The following VIPR1 variants were observed in gnomAD, a reference collection of about 807,000 sequenced individuals.
VIPR1 encodes vasoactive intestinal polypeptide receptor 1.
VIPR1 carries 59 observed loss-of-function variants against 58.8 expected under a neutral mutation model. The observed-to-expected ratio is 1.00, with a 90% CI of 0.81 to 1.25. VIPR1 has a LOEUF of 1.25. Among genes scored for constraint, VIPR1 ranks in the 50% most tolerant of loss-of-function variants. VIPR1 has a pLI of 0.00. For synonymous variants in VIPR1, 251 were observed against 242.1 expected (o/e 1.04, Z -0.34); for missense variants, 626 against 602.7 (o/e 1.04, Z -0.40).
intron 1 of VIPR1, among the ~76,000 whole-genome samples, chr3:42,493,014 G>A (rs1180222412): frequency 2.0e-5 from 3 of 152,242 alleles, no homozygotes; most frequent in Non-Finnish European, 4.4e-5. Flanking sequence ...AACCACGCAG[G>A]AACCCAAGAA....
At chr3:42,527,037 G>T (rs974761257) in intron 4 of VIPR1, among the ~76,000 whole-genome samples, 1 of 152,048 alleles carries the variant, frequency 6.6e-6, no homozygotes, top group African/African-American at 2.4e-5. Flanking sequence ...AGGGTGCCCA[G>T]CTCAGAGCTG....
At position 42,504,344 on chromosome 3, in the gene VIPR1, G is replaced by A. The variant is rs907333856; in HGVS notation, c.78+1531G>A. 6.6e-5 allele frequency among the ~76,000 whole-genome samples: 10 copies of A among 152,164 alleles called. 1 individual carries two copies. The highest frequency in any genetic ancestry group is 1.9e-4 in the East Asian group (1 of 5,174). Reference sequence around the variant, plus strand: ...CTTCTACTTCACACTTCCTGAGACAGCCCAAATCTGTCTCCTCCCTCCAAT... The same window carrying A: ...CTTCTACTTCACACTTCCTGAGACAACCCAAATCTGTCTCCTCCCTCCAAT... On this transcript the variant is annotated intron_variant, in intron 1 of 12. Coordinates refer to ENST00000325123, the MANE Select transcript of VIPR1 (RefSeq NM_004624.4).
At chr3:42,490,173 C>G (rs1053045201) in intron 1 of VIPR1, among the ~76,000 whole-genome samples, 19 of 152,258 alleles carry the variant, frequency 1.2e-4, no homozygotes, top group African/African-American at 4.3e-4. Flanking sequence ...CCATGCAAGA[C>G]AGAGGACAGA....
chr3:42,513,648 G>A (rs1700471849), intron 1 of VIPR1, 101 bp from the exon 2 acceptor site: 2 of 1,236,016 alleles, frequency 1.6e-6, no homozygotes, highest in Middle Eastern at 2.7e-4. Flanking sequence ...TCTGGAACTT[G>A]GATCTCTTCC....
At position 42,517,962 on chromosome 3, in the gene VIPR1, C is replaced by A. The variant is rs866383762; in HGVS notation, c.185-1261C>A. Among the ~76,000 whole-genome samples, 49 of 151,970 alleles carry A rather than the reference C, an allele frequency of 3.2e-4. 3 individuals are homozygous for A. The highest frequency in any genetic ancestry group is 6.8e-3 in the Middle Eastern group (2 of 294). ...TTGTACTCCAGCCTGGGCGACAGAG[C>A]AAGACTATGATGGGGTGATGAGTAT... On this transcript the variant is annotated intron_variant, in intron 2 of 12. Transcript: ENST00000325123.
chr3:42,512,678 A>T, intron 1 of VIPR1: 5 of 941,648 alleles, frequency 5.3e-6, no homozygotes, highest in Non-Finnish European at 6.3e-6. Flanking sequence ...AGACACTGAG[A>T]ATGTCTGATT....
At chr3:42,529,687 G>T (rs1202674378) in intron 6 of VIPR1, 1 of 152,164 alleles carries the variant, frequency 6.6e-6, no homozygotes, top group Non-Finnish European at 1.5e-5. Context: ...GGGGGAAGTG[G>T]AAGCCAGACA....
intron 2 of VIPR1, among the ~76,000 whole-genome samples, chr3:42,514,079 G>A (rs1050761642): frequency 1.3e-4 from 20 of 152,142 alleles, no homozygotes; most frequent in African/African-American, 4.6e-4. Flanking sequence ...CTAAATTGGG[G>A]TTCTGAAAAG....
chr3:42,536,194 G>A lies in VIPR1; in HGVS notation c.1287G>A (p.Thr429=), dbSNP rs1377268061. The change falls in exon 13 of 13, where the codon ACG becomes ACA. Residue 429 remains threonine, a synonymous_variant. Transcript: ENST00000325123. ...CGTCGGGAGGCAGCAACGGCGCCACGTGCAGCACGCAGGTTTCCATGCTGA... is the reference window on the plus strand; with the variant it reads ...CGTCGGGAGGCAGCAACGGCGCCACATGCAGCACGCAGGTTTCCATGCTGA... ...RHPSGGSNGA[T]CSTQVSMLTR... The A allele has an allele frequency of 2.5e-6, 4 of 1,601,570 alleles. No homozygotes were observed. The highest frequency in any genetic ancestry group is 2.3e-5 in the East Asian group (1 of 44,242).
At chr3:42,493,362 T>C (rs1699701539) in intron 1 of VIPR1, among the ~76,000 whole-genome samples, 1 of 151,554 alleles carries the variant, frequency 6.6e-6, no homozygotes, top group African/African-American at 2.4e-5. Flanking sequence ...CCAGGGAGAG[T>C]AGACACACAC....
At chr3:42,524,457 C>T (rs1300288906) in intron 3 of VIPR1, among the ~76,000 whole-genome samples, 8 of 152,210 alleles carry the variant, frequency 5.3e-5, no homozygotes, top group African/African-American at 1.7e-4. Flanking sequence ...CAAATCCATC[C>T]TGCCCTCCCT....
In VIPR1 at chr3:42,513,778, G is replaced by C; in HGVS notation, c.108G>C (p.Glu36Asp). 6.4e-7 allele frequency: 1 copy of C among 1,551,560 alleles called. No individual in the cohort carries two copies. Among genetic ancestry groups the C allele is most frequent in the Non-Finnish European group, 8.7e-7 (1 of 1,146,908 alleles). ...GCCAGGCGGCCAGGCTGCAGGAGGA[G>C]TGTGACTATGTGCAGATGATCGAGG... ...AGGQAARLQE[E>D]CDYVQMIEVQ... The change falls in exon 2 of 13, where the codon GAG becomes GAC. Residue 36 changes from glutamate (E) to aspartate (D), a missense_variant. Transcript: ENST00000325123.
chr3:42,533,303 T>C (rs1701664966), intron 10 of VIPR1: 2 of 152,110 alleles, frequency 1.3e-5, no homozygotes, highest in Non-Finnish European at 2.9e-5. Flanking sequence ...TTTAGGATTC[T>C]ATTCTGGAAT....
At chr3:42,526,941 G>A (rs1203211231) in intron 4 of VIPR1, among the ~76,000 whole-genome samples, 1 of 152,028 alleles carries the variant, frequency 6.6e-6, no homozygotes, top group African/African-American at 2.4e-5. Flanking sequence ...TGTCTTCTTC[G>A]ACATCCCGCA....
intron 1 of VIPR1, among the ~76,000 whole-genome samples, chr3:42,490,531 C>G (rs1264092340): frequency 2.0e-5 from 3 of 152,230 alleles, no homozygotes; most frequent in Non-Finnish European, 1.5e-5. Context: ...AGTTCCTCCC[C>G]TTCCTTGGCA....
intron 3 of VIPR1, among the ~76,000 whole-genome samples, chr3:42,523,604 TACACACACACAC>T (rs60726747): frequency 3.9e-5 from 5 of 129,824 alleles, no homozygotes; most frequent in Admixed American, 2.2e-4. Context: ...CCTCCGCCAC[TACACACACACAC>T]ACACACACAC....
chr3:42,520,249 G>A (rs1700843535), intron 3 of VIPR1, among the ~76,000 whole-genome samples: 1 of 152,208 alleles, frequency 6.6e-6, no homozygotes, highest in Admixed American at 6.5e-5. Flanking sequence ...GATGAAGGGA[G>A]GGGAGGGACA....
chr3:42,536,046 A>G (rs1701823912), intron 12 of VIPR1, 44 bp from the exon 13 acceptor site: 1 of 1,533,970 alleles, frequency 6.5e-7, no homozygotes, highest in African/African-American at 1.4e-5. Flanking sequence ...CAGCAGTGGA[A>G]GAGGCTCCAC....
chr3:42,531,047 T>A, intron 7 of VIPR1, 115 bp downstream of exon 7: 1 of 1,315,584 alleles, frequency 7.6e-7, no homozygotes, highest in Non-Finnish European at 1.0e-6. Flanking sequence ...TAGCTGCAGG[T>A]CCTGCCTGCA....
Sources: gnomAD v4.1 joint callset for allele counts (sites outside exome capture counted in the v4.1 genomes callset) on GRCh38, gnomAD v4.1.1 for gene constraint, MANE v1.5 for transcripts, NCBI Gene and HGNC (gene_info 2026-07-23, HGNC 2026-07-21) for gene names.